The following TWF2 variants were observed in gnomAD, a reference collection of about 807,000 sequenced individuals.
TWF2 encodes twinfilin-2.
TWF2 carries 15 observed loss-of-function variants against 45.1 expected under a neutral mutation model. That is an observed-to-expected ratio of 0.33 (90% CI 0.22 to 0.51). TWF2 has a LOEUF of 0.51. TWF2 is among the 20% of genes least tolerant of loss of function. The pLI is 0.97. For missense variants in TWF2, 423 were observed against 469.1 expected (o/e 0.90, Z 0.91); for synonymous variants, 177 against 195.8 (o/e 0.90, Z 0.80).
At chr3:52,234,945 G>C in intron 2 of TWF2, 84 bp downstream of exon 2, 2 of 1,508,564 alleles carry the variant, frequency 1.3e-6, no homozygotes, top group African/African-American at 1.4e-5. Context: ...CGGCAGGCCA[G>C]GGGCCAACAT....
At chr3:52,231,280 T>G in intron 4 of TWF2, 49 bp from the exon 5 acceptor site, 1 of 1,605,724 alleles carries the variant, frequency 6.2e-7, no homozygotes, top group Non-Finnish European at 8.5e-7. Context: ...ACCTGGGGAT[T>G]GGCTAGAGGA....
In TWF2 at chr3:52,229,741, CCTT is replaced by C; in HGVS notation, c.799_801del (p.Lys267del). On this transcript the variant is annotated inframe_deletion, in exon 8 of 9. Transcript: ENST00000305533. ...TTGCAGCTGGAGTAGAGCATTCGCT[CCTT>C]GATGCTGCACTTGTACCCCGGCATG... 6.2e-7 allele frequency: 1 copy of C among 1,613,228 alleles called. No homozygotes were observed. The highest frequency in any genetic ancestry group is 8.5e-7 in the Non-Finnish European group (1 of 1,179,994).
rs973816968 is a variant in TWF2 at position 52,231,384 on chromosome 3, A to G, written c.378+60T>C. The G allele has an allele frequency of 1.9e-6, 3 of 1,596,554 alleles. No homozygotes were observed. In the African/African-American group the frequency reaches 4.0e-5, roughly 21 times the overall value. ...GCACTAGCTTGCTCTCTGACCCTGC[A>G]CAGTGACCCCTCTCTGTGGGCCCAG... On this transcript the variant is annotated intron_variant, in intron 4 of 8. Coordinates refer to ENST00000305533, the MANE Select transcript of TWF2 (RefSeq NM_007284.4).
In TWF2 at chr3:52,232,072, C is replaced by G; in HGVS notation, c.154G>C (p.Asp52His). The G allele has an allele frequency of 6.2e-7, 1 of 1,613,366 alleles. No homozygotes were observed. Among genetic ancestry groups the G allele is most frequent in the Non-Finnish European group, 8.5e-7 (1 of 1,179,636 alleles). Residue 52 changes from aspartate to histidine, a missense_variant, in exon 3 of 9, where the codon GAC (aspartate) becomes CAC (histidine). Coordinates refer to ENST00000305533, the MANE Select transcript of TWF2 (RefSeq NM_007284.4). ...AGTGGCAGCACGGCCCTGTCATAGT[C>G]CTGATCCCAGCGGCCTACTGGCTCC... is the stretch of plus-strand genomic sequence containing the variant. ...SQEPVGRWDQ[D>H]YDRAVLPLLD...
chr3:52,231,265 T>C (rs370685353), intron 4 of TWF2, 34 bp from the exon 5 acceptor site: 2 of 1,611,574 alleles, frequency 1.2e-6, no homozygotes, highest in African/African-American at 2.7e-5. Flanking sequence ...GAGCCATAAA[T>C]GGGCACCTGG....
intron 2 of TWF2, 54 bp from the exon 3 acceptor site, chr3:52,232,176 C>T (rs1048955729): frequency 1.4e-6 from 2 of 1,464,226 alleles, no homozygotes. Context: ...GCGCCTCCCG[C>T]TGCAGACCTC....
chr3:52,236,806 G>A (rs1320475701), intron 1 of TWF2, among the ~76,000 whole-genome samples: 1 of 152,106 alleles, frequency 6.6e-6, no homozygotes, highest in Non-Finnish European at 1.5e-5. Flanking sequence ...ACTGTAGGCA[G>A]GTGGACACCA....
intron 1 of TWF2, 44 bp downstream of exon 1, chr3:52,238,948 G>A (rs751147026): frequency 1.3e-6 from 2 of 1,573,254 alleles, no homozygotes; most frequent in South Asian, 1.1e-5. Flanking sequence ...GCGCTTCCGA[G>A]AGCCCAGACC....
rs909313123 is a variant in TWF2, at chr3:52,239,103, G to A, written c.-87C>T. The A allele has an allele frequency of 7.3e-6, 11 of 1,496,994 alleles. No individual in the cohort carries two copies. The African/African-American group carries it at 1.1e-4, about 15-fold the overall frequency. 92.7% of individuals were successfully genotyped at this position (1,496,994 alleles called of 1,614,324 possible). A position where few individuals can be genotyped will look rare whatever the true frequency, so the allele number is the denominator to read the frequency against. On this transcript the variant is annotated 5_prime_UTR_variant, in exon 1 of 9. Coordinates refer to ENST00000305533, the MANE Select transcript of TWF2 (RefSeq NM_007284.4). ...GCTCGCTGGACCAAGAGAGGTGGAG[G>A]ATGTGGCGGAGGCTGTCGACCCTCG...
rs976413716 is a variant in TWF2 at position 52,239,128 on chromosome 3, G to C, written c.-112C>G. On this transcript the variant is annotated 5_prime_UTR_variant, in exon 1 of 9. Transcript: ENST00000305533. ...GATGTGGCGGAGGCTGTCGACCCTCGCGCAGCTTCCCGGGCGGTGCCGCAG... is the reference window on the plus strand; with the variant it reads ...GATGTGGCGGAGGCTGTCGACCCTCCCGCAGCTTCCCGGGCGGTGCCGCAG... 4.6e-6 allele frequency: 6 copies of C among 1,308,840 alleles called. No homozygotes were observed. The highest frequency in any genetic ancestry group is 5.8e-5 in the Admixed American group (2 of 34,552). The allele number at this position is 1,308,840 out of a possible 1,614,324, so 81.1% of individuals were successfully genotyped here. A position where few individuals can be genotyped will look rare whatever the true frequency, so the allele number is the denominator to read the frequency against.
At chr3:52,237,828 C>T (rs866424062) in intron 1 of TWF2, among the ~76,000 whole-genome samples, 4 of 152,250 alleles carry the variant, frequency 2.6e-5, no homozygotes, top group Non-Finnish European at 5.9e-5. Flanking sequence ...TGGCCACAAC[C>T]GCACCAGGAT....
rs146346029 is a variant in TWF2, at chr3:52,229,114, C to G, written c.970G>C (p.Ala324Pro). ...PKQHAFKQAF[A>P]KPKGPGGKRG... ...TTGCCCCCTGGGCCCTTGGGCTTGGCGAAGGCCTGCTTGAAGGCGTGTTGC... is the reference window on the plus strand; with the variant it reads ...TTGCCCCCTGGGCCCTTGGGCTTGGGGAAGGCCTGCTTGAAGGCGTGTTGC... Residue 324 changes from alanine (A) to proline (P), a missense_variant, in exon 9 of 9, where the codon GCC becomes CCC. Coordinates refer to ENST00000305533, the MANE Select transcript of TWF2 (RefSeq NM_007284.4). The G allele has an allele frequency of 6.2e-7, 1 of 1,613,628 alleles. No homozygotes were observed. The highest frequency in any genetic ancestry group is 8.5e-7 in the Non-Finnish European group (1 of 1,180,018).
At chr3:52,238,960 A>T in intron 1 of TWF2, 32 bp downstream of exon 1, 2 of 1,583,944 alleles carry the variant, frequency 1.3e-6, no homozygotes, top group Non-Finnish European at 1.7e-6. Flanking sequence ...GCCCAGACCG[A>T]GGCCCCCTGC....
chr3:52,228,859 G>C lies in TWF2; in HGVS notation c.*175C>G. On this transcript the variant is annotated 3_prime_UTR_variant, in exon 9 of 9. Coordinates refer to ENST00000305533, the MANE Select transcript of TWF2 (RefSeq NM_007284.4). ...CAGACGAGATGCAGGGACAGCAACA[G>C]GGAAGGGTCACAAAATGCCAGCCCG... 1.1e-6 allele frequency: 1 copy of C among 949,040 alleles called. No individual in the cohort carries two copies. The highest frequency in any genetic ancestry group is 1.5e-6 in the Non-Finnish European group (1 of 656,770). 58.8% of individuals were successfully genotyped at this position (949,040 alleles called of 1,614,324 possible).
intron 2 of TWF2, among the ~76,000 whole-genome samples, chr3:52,232,946 G>A (rs913562836): frequency 6.6e-6 from 1 of 152,324 alleles, no homozygotes; most frequent in East Asian, 1.9e-4. Flanking sequence ...GGAGGCGGAG[G>A]TTGTGGTGAG....
At chr3:52,237,746 G>A (rs562263788) in intron 1 of TWF2, among the ~76,000 whole-genome samples, 2 of 152,214 alleles carry the variant, frequency 1.3e-5, no homozygotes, top group Admixed American at 6.5e-5. Flanking sequence ...CCATCTGGGA[G>A]CCCTGGCCCT....
chr3:52,238,254 C>T (rs1250628514), intron 1 of TWF2, among the ~76,000 whole-genome samples: 2 of 152,198 alleles, frequency 1.3e-5, no homozygotes, highest in African/African-American at 4.8e-5. Context: ...CTGAGGCAGA[C>T]TCAGAAAGTC....
At chr3:52,238,929 C>CGGG (rs11441245) in intron 1 of TWF2, 63 bp downstream of exon 1, 282 of 1,176,830 alleles carry the variant, frequency 2.4e-4, no homozygotes, top group Middle Eastern at 2.9e-4. Flanking sequence ...GGCCGAGAGC[C>CGGG]GGGGGGGGGC....
intron 1 of TWF2, 23 bp from the exon 2 acceptor site, chr3:52,235,129 G>C (rs773438380): frequency 6.2e-7 from 1 of 1,612,610 alleles, no homozygotes; most frequent in South Asian, 1.1e-5. Context: ...GAAACATGGT[G>C]GGGGATGAGT....
Sources: gnomAD v4.1 joint callset for allele counts (sites outside exome capture counted in the v4.1 genomes callset) on GRCh38, gnomAD v4.1.1 for gene constraint, MANE v1.5 for transcripts, NCBI Gene and HGNC (gene_info 2026-07-23, HGNC 2026-07-21) for gene names.